Variants in ASCC1 observed in about 807,000 individuals in gnomAD.
ASCC1 encodes the protein activating signal cointegrator 1 complex subunit 1, also known as ASC-1 complex subunit P50.
In ASCC1, 35 loss-of-function variants were observed where a neutral mutation model predicts 46.6. That is an observed-to-expected ratio of 0.75 (90% CI 0.57 to 0.99). The LOEUF (loss-of-function observed/expected upper bound fraction) is 0.99. Among genes scored for constraint, ASCC1 ranks in the 50% least tolerant of loss-of-function variants. The pLI, the probability that ASCC1 is intolerant of heterozygous loss-of-function variation, is 0.00. For missense variants in ASCC1, 376 were observed against 428.7 expected (o/e 0.88, Z 1.09); for synonymous variants, 143 against 146.6 (o/e 0.98, Z 0.18).
chr10:72,175,290 T>C (rs1851727365), intron 5 of ASCC1, among the ~76,000 whole-genome samples: 1 of 152,218 alleles, frequency 6.6e-6, no homozygotes, highest in South Asian at 2.1e-4. Flanking sequence ...ATGAAGTCTC[T>C]GGCACACAGT....
intron 7 of ASCC1, among the ~76,000 whole-genome samples, chr10:72,152,518 C>G (rs1848485499): frequency 6.6e-6 from 1 of 152,050 alleles, no homozygotes; most frequent in Admixed American, 6.6e-5. Flanking sequence ...TATCAATACC[C>G]GTTATCCAAG....
intron 5 of ASCC1, chr10:72,190,555 C>G (rs750710822): frequency 2.1e-6 from 3 of 1,423,588 alleles, no homozygotes; most frequent in Non-Finnish European, 2.9e-6. Context: ...GCAATACTCT[C>G]CAGCTCCACC....
At chr10:72,190,236 A>C (rs1270922795) in intron 5 of ASCC1, 7 of 768,956 alleles carry the variant, frequency 9.1e-6, no homozygotes, top group African/African-American at 3.4e-5. Context: ...TGAAGCCTTC[A>C]ATCTGTTGCA....
Position 72,096,036 on chromosome 10 carries a change from G to C in ASCC1, c.*1298C>G, listed in dbSNP as rs992426615. ...ATGTGATCATACTAACAGAAACACC[G>C]TTAAACATTTTATTCACAAGTGATT... On this transcript the variant is annotated 3_prime_UTR_variant, in exon 10 of 10. Transcript: ENST00000672957. 26 of 436,460 alleles carry C rather than the reference G, an allele frequency of 6.0e-5. No individual in the cohort carries two copies. Among genetic ancestry groups the C allele is most frequent in the Non-Finnish European group, 1.2e-4 (26 of 216,000 alleles). The allele number at this position is 436,460 out of a possible 1,614,324, so 27.0% of individuals were successfully genotyped here.
At chr10:72,097,841 C>T (rs1841264894) in intron 9 of ASCC1, among the ~76,000 whole-genome samples, 1 of 152,240 alleles carries the variant, frequency 6.6e-6, no homozygotes, top group African/African-American at 2.4e-5. Context: ...GCAGGGATCT[C>T]GGCTTTGTTG....
rs1271417243 is a variant in ASCC1 at position 72,196,822 on chromosome 10, T to G, written c.478A>C (p.Lys160Gln). The change falls in exon 5 of 10, where the codon AAG becomes CAG. Residue 160 changes from lysine (K) to glutamine (Q), a missense_variant. Lys to Gln is a moderately conservative substitution (Grantham distance 53). Coordinates refer to ENST00000672957, the MANE Select transcript of ASCC1 (RefSeq NM_001198800.3). The part of the protein sequence containing the change: ...FLRFQEEVLA[K>Q]CSMDHGVDSS... ...TTGTTTGCACTTACCATGGAGCACT[T>G]CGCCAGTACTTCCTCCTGGAATCTC... 1.9e-6 allele frequency: 3 copies of G among 1,613,086 alleles called. No individual in the cohort carries two copies. In the South Asian group the frequency reaches 3.3e-5, roughly 18 times the overall value.
chr10:72,187,655 G>C (rs767019546), intron 5 of ASCC1, among the ~76,000 whole-genome samples: 29 of 147,480 alleles, frequency 2.0e-4, no homozygotes, highest in Non-Finnish European at 3.4e-4. Flanking sequence ...GGGAGACGGA[G>C]CTTGCAGTGA....
intron 7 of ASCC1, among the ~76,000 whole-genome samples, chr10:72,145,303 C>T (rs1179303040): frequency 6.6e-6 from 1 of 152,218 alleles, no homozygotes; most frequent in Non-Finnish European, 1.5e-5. Flanking sequence ...ACTGCTTCTA[C>T]CTTAATCCAA....
intron 5 of ASCC1, among the ~76,000 whole-genome samples, chr10:72,164,561 C>T (rs1273088280): frequency 4.6e-5 from 7 of 151,986 alleles, no homozygotes; most frequent in African/African-American, 7.3e-5. Flanking sequence ...TTTTTTGCAC[C>T]TTTGCTATTA....
At chr10:72,137,024 C>G (rs1037212607) in intron 7 of ASCC1, among the ~76,000 whole-genome samples, 9 of 152,132 alleles carry the variant, frequency 5.9e-5, no homozygotes, top group African/African-American at 1.9e-4. Flanking sequence ...GTCAGCAAGA[C>G]CAAGAACCCA....
At chr10:72,188,894 C>T (rs1347773778) in intron 5 of ASCC1, among the ~76,000 whole-genome samples, 5 of 152,092 alleles carry the variant, frequency 3.3e-5, no homozygotes, top group Admixed American at 1.3e-4. Context: ...GTAGTTAAAA[C>T]TACAGATATG....
intron 5 of ASCC1, among the ~76,000 whole-genome samples, chr10:72,166,797 A>G (rs1850401689): frequency 6.6e-6 from 1 of 152,224 alleles, no homozygotes; most frequent in Non-Finnish European, 1.5e-5. Context: ...ATATTTTCCC[A>G]AAGAGGATAT....
At chr10:72,177,347 T>C (rs776378282) in intron 5 of ASCC1, among the ~76,000 whole-genome samples, 1 of 152,166 alleles carries the variant, frequency 6.6e-6, no homozygotes, top group African/African-American at 2.4e-5. Context: ...CTACAAATCC[T>C]ACAACTACCC....
chr10:72,130,427 A>C (rs1589268799), intron 8 of ASCC1, among the ~76,000 whole-genome samples: 1 of 152,242 alleles, frequency 6.6e-6, no homozygotes, highest in East Asian at 1.9e-4. Flanking sequence ...GAACATCTGC[A>C]AATAGAGGGA....
At chr10:72,209,165 T>TAA (rs35847135) in intron 3 of ASCC1, among the ~76,000 whole-genome samples, 5 of 139,906 alleles carry the variant, frequency 3.6e-5, no homozygotes, top group African/African-American at 7.9e-5. Flanking sequence ...GCCCTGTCTT[T>TAA]AAAAAAAAAA....
intron 6 of ASCC1, among the ~76,000 whole-genome samples, chr10:72,160,765 A>G (rs1270613308): frequency 6.7e-6 from 1 of 148,478 alleles, no homozygotes; most frequent in African/African-American, 2.5e-5. Flanking sequence ...GCTGAATCAA[A>G]TAAAATTATT....
chr10:72,147,552 C>T (rs1240982663), intron 7 of ASCC1, among the ~76,000 whole-genome samples: 1 of 152,092 alleles, frequency 6.6e-6, no homozygotes, highest in African/African-American at 2.4e-5. Flanking sequence ...TGTGGCTGGC[C>T]TAAAATAATA....
chr10:72,192,561 T>C (rs112177022), intron 5 of ASCC1, among the ~76,000 whole-genome samples: 20 of 152,306 alleles, frequency 1.3e-4, no homozygotes, highest in African/African-American at 4.3e-4. Context: ...TGGCACCATC[T>C]TGGCTCACTG....
intron 9 of ASCC1, among the ~76,000 whole-genome samples, chr10:72,106,265 T>C (rs1287821347): frequency 1.3e-5 from 2 of 151,678 alleles, no homozygotes; most frequent in Admixed American, 6.6e-5. Context: ...TTGACACACA[T>C]GAGATAAACC....
Sources: allele counts gnomAD v4.1 joint callset (sites outside exome capture counted in the v4.1 genomes callset), GRCh38; gene constraint gnomAD v4.1.1; transcripts MANE v1.5; gene names NCBI Gene and HGNC (gene_info 2026-07-23, HGNC 2026-07-21).